Variants in LSAMP observed in about 807,000 individuals in gnomAD.
LSAMP encodes the protein limbic system associated membrane protein, also known as limbic system-associated membrane protein.
Under a neutral mutation model 38.6 loss-of-function variants are expected in LSAMP, and 7 were observed. The ratio of observed to expected loss-of-function variants is 0.18; its 90% CI spans 0.10 to 0.34. The LOEUF (loss-of-function observed/expected upper bound fraction) is 0.34, where lower values mean the gene tolerates loss of function less well. Among genes scored for constraint, LSAMP ranks in the 10% least tolerant of loss-of-function variants. The pLI is 1.00. For missense variants in LSAMP, 313 were observed against 420.0 expected, an observed-to-expected ratio of 0.75 and a Z score of 2.23; for synonymous variants, 154 against 166.8, an observed-to-expected ratio of 0.92 and a Z score of 0.59.
At chr3:116,363,813 C>G (rs1259378581) in intron 1 of LSAMP, among the ~76,000 whole-genome samples, 49 of 149,006 alleles carry the variant, frequency 3.3e-4, no homozygotes, top group African/African-American at 1.1e-3. Context: ...ATTCAACAAC[C>G]CTTCATGCTA....
chr3:116,071,678 T>G (rs1707609423), intron 2 of LSAMP, among the ~76,000 whole-genome samples: 1 of 152,184 alleles, frequency 6.6e-6, no homozygotes, highest in Non-Finnish European at 1.5e-5. Context: ...GGTGATTTGC[T>G]GCACAGATCA....
chr3:116,187,816 AG>A lies in LSAMP; in HGVS notation c.156-101261del, dbSNP rs1015662476. Reference sequence around the variant, plus strand: ...TTTTTTTCACTTTTATTTTATGTTCAGGGGTACATGTGCAGGTTTGTTACAT... The same window carrying A: ...TTTTTTTCACTTTTATTTTATGTTCAGGGTACATGTGCAGGTTTGTTACAT... On this transcript the variant is annotated intron_variant, in intron 1 of 6. Transcript: ENST00000490035. Among the ~76,000 whole-genome samples the A allele has an allele frequency of 1.1e-4, 16 of 152,076 alleles. No individual in the cohort carries two copies. In the South Asian group the frequency reaches 1.9e-3, roughly 18 times the overall value.
chr3:115,953,622 T>C (rs1443348878), intron 3 of LSAMP, among the ~76,000 whole-genome samples: 1 of 152,176 alleles, frequency 6.6e-6, no homozygotes, highest in Non-Finnish European at 1.5e-5. Flanking sequence ...TAACGTGATC[T>C]GAAGAAAACT....
At chr3:115,813,249 T>C (rs1260842211) in intron 6 of LSAMP, among the ~76,000 whole-genome samples, 1 of 152,120 alleles carries the variant, frequency 6.6e-6, no homozygotes, top group African/African-American at 2.4e-5. Flanking sequence ...CCTATAAAGT[T>C]ATAGCACTGC....
chr3:116,126,911 T>C lies in LSAMP; in HGVS notation c.156-40355A>G, dbSNP rs115474470. Among the ~76,000 whole-genome samples, 1,086 of 152,268 alleles carry C rather than the reference T, an allele frequency of 7.1e-3. 7 individuals carry two copies. The highest frequency in any genetic ancestry group is 0.012 in the Non-Finnish European group (807 of 68,020). On this transcript the variant is annotated intron_variant, in intron 1 of 6. Transcript: ENST00000490035. Reference sequence around the variant, plus strand: ...TCCAGCTAGGGAGATGAGGAAATTATGTTAATAAATTCTAGTACTTGCACA... The same window carrying C: ...TCCAGCTAGGGAGATGAGGAAATTACGTTAATAAATTCTAGTACTTGCACA...
intron 2 of LSAMP, among the ~76,000 whole-genome samples, chr3:116,076,988 T>G (rs555386970): frequency 4.6e-5 from 7 of 151,972 alleles, no homozygotes; most frequent in Non-Finnish European, 8.8e-5. Flanking sequence ...TTTCTTCAGA[T>G]AAATGCACAA....
At chr3:116,111,479 G>A (rs896606462) in intron 1 of LSAMP, among the ~76,000 whole-genome samples, 5 of 152,066 alleles carry the variant, frequency 3.3e-5, no homozygotes, top group Admixed American at 3.3e-4. Context: ...AGTGTTCAAA[G>A]GTTTATTTAG....
intron 1 of LSAMP, among the ~76,000 whole-genome samples, chr3:116,390,132 T>C (rs202178071): frequency 0.028 from 4,118 of 147,244 alleles, 83 homozygotes; most frequent in South Asian, 0.08. Flanking sequence ...TATGTATGTA[T>C]ACACACACAC....
At chr3:115,817,507 A>G (rs1934070393) in intron 6 of LSAMP, among the ~76,000 whole-genome samples, 2 of 152,282 alleles carry the variant, frequency 1.3e-5, no homozygotes, top group Admixed American at 6.5e-5. Flanking sequence ...TAGGTTAAAT[A>G]TTTGGTTTCT....
chr3:116,102,526 T>C (rs558779938), intron 1 of LSAMP, among the ~76,000 whole-genome samples: 1 of 152,300 alleles, frequency 6.6e-6, no homozygotes. Context: ...AGATTGATCT[T>C]CCCAAATGTG....
At chr3:116,236,513 C>A (rs2046467481) in intron 1 of LSAMP, among the ~76,000 whole-genome samples, 1 of 152,012 alleles carries the variant, frequency 6.6e-6, no homozygotes, top group South Asian at 2.1e-4. Context: ...CTATTGGTGC[C>A]CACTTTGATT....
intron 3 of LSAMP, among the ~76,000 whole-genome samples, chr3:115,953,616 G>A (rs1327384076): frequency 1.3e-5 from 2 of 152,136 alleles, no homozygotes; most frequent in South Asian, 2.1e-4. Context: ...TGCCATTAAC[G>A]TGATCTGAAG....
chr3:115,874,256 C>G (rs1440398684), intron 3 of LSAMP, among the ~76,000 whole-genome samples: 1 of 152,038 alleles, frequency 6.6e-6, no homozygotes, highest in Non-Finnish European at 1.5e-5. Flanking sequence ...GGTTCCTTCT[C>G]CTCAGTCTTT....
At chr3:116,008,088 T>A (rs768022492) in intron 3 of LSAMP, among the ~76,000 whole-genome samples, 4 of 152,222 alleles carry the variant, frequency 2.6e-5, no homozygotes, top group Non-Finnish European at 5.9e-5. Flanking sequence ...ACCAAAATGA[T>A]TGTAATTTAA....
At chr3:115,938,249 A>T in intron 3 of LSAMP, among the ~76,000 whole-genome samples, 1 of 152,192 alleles carries the variant, frequency 6.6e-6, no homozygotes, top group East Asian at 1.9e-4. Context: ...GCAGACCCAT[A>T]CTTGCCAAAA....
intron 6 of LSAMP, among the ~76,000 whole-genome samples, chr3:115,839,294 C>T (rs868219132): frequency 7.5e-6 from 1 of 133,436 alleles, no homozygotes; most frequent in Non-Finnish European, 1.7e-5. Context: ...TCCTTCCTTC[C>T]TTCCTTCCTT....
chr3:115,865,402 A>G (rs1282694213), intron 3 of LSAMP, among the ~76,000 whole-genome samples: 2 of 152,214 alleles, frequency 1.3e-5, no homozygotes, highest in African/African-American at 4.8e-5. Context: ...TTTAGTTTCC[A>G]GAAAATAAGT....
chr3:115,952,128 T>C (rs1261339947), intron 3 of LSAMP, among the ~76,000 whole-genome samples: 1 of 152,056 alleles, frequency 6.6e-6, no homozygotes, highest in Non-Finnish European at 1.5e-5. Context: ...GGAATGTAGA[T>C]TAGTATAATC....
At chr3:116,103,504 T>G (rs1708394933) in intron 1 of LSAMP, among the ~76,000 whole-genome samples, 1 of 145,400 alleles carries the variant, frequency 6.9e-6, no homozygotes, top group Non-Finnish European at 1.5e-5. Flanking sequence ...ACAGTGTACA[T>G]ATCATATATT....
Sources: gnomAD v4.1 joint callset for allele counts (sites outside exome capture counted in the v4.1 genomes callset) on GRCh38, gnomAD v4.1.1 for gene constraint, MANE v1.5 for transcripts, NCBI Gene and HGNC (gene_info 2026-07-23, HGNC 2026-07-21) for gene names.